PCNX2: variants seen among roughly 807,000 people sequenced by gnomAD.
The protein encoded by PCNX2 is pecanex 2, also known as pecanex-like protein 2.
A neutral mutation model predicts 223.8 loss-of-function variants in PCNX2; 168 were observed. The observed-to-expected ratio is 0.75, with a 90% CI of 0.66 to 0.85. The LOEUF (loss-of-function observed/expected upper bound fraction) is 0.85, where lower values mean the gene tolerates loss of function less well. Ranked by LOEUF, PCNX2 falls within the 40% of genes least tolerant of loss-of-function variation. PCNX2 has a pLI of 0.00. For synonymous variants in PCNX2, 1,006 were observed against 1,052.6 expected (o/e 0.96, Z 0.86); for missense variants, 2,507 against 2,675.5 (o/e 0.94, Z 1.39).
At chr1:233,211,889 G>A (rs1681837653) in intron 12 of PCNX2, 1 of 891,016 alleles carries the variant, frequency 1.1e-6, no homozygotes, top group African/African-American at 1.8e-5. Context: ...AAAGGACTCT[G>A]GGCAGAGAAA....
At chr1:233,321,108 T>C in the PCNX2 span, among the ~76,000 whole-genome samples, 1 of 132,744 alleles carries the variant, frequency 7.5e-6, no homozygotes, top group East Asian at 2.4e-4. Context: ...AAGCTCCGCC[T>C]CCGGGGTTCA....
chr1:233,271,280 T>C (rs1660625326), intron 1 of PCNX2, among the ~76,000 whole-genome samples: 1 of 152,210 alleles, frequency 6.6e-6, no homozygotes, highest in Non-Finnish European at 1.5e-5. Context: ...AAATTATGAA[T>C]GTTTATAAAA....
intron 15 of PCNX2, among the ~76,000 whole-genome samples, chr1:233,189,448 G>A (rs1223933547): frequency 6.6e-6 from 1 of 152,182 alleles, no homozygotes; most frequent in African/African-American, 2.4e-5. Context: ...GATCTGGGAC[G>A]TGGGGTGTGT....
At chr1:233,152,114 G>A (rs1189644900) in intron 19 of PCNX2, among the ~76,000 whole-genome samples, 1 of 152,218 alleles carries the variant, frequency 6.6e-6, no homozygotes, top group Non-Finnish European at 1.5e-5. Flanking sequence ...GAGTATGAGA[G>A]TGCCTGGCAG....
chr1:233,200,605 G>A (rs1465433878), intron 13 of PCNX2, among the ~76,000 whole-genome samples: 2 of 151,982 alleles, frequency 1.3e-5, no homozygotes, highest in African/African-American at 4.8e-5. Flanking sequence ...GGCCAGGACT[G>A]AGCAAAGACT....
At chr1:233,194,524 T>C (rs1307559780) in intron 15 of PCNX2, among the ~76,000 whole-genome samples, 2 of 152,174 alleles carry the variant, frequency 1.3e-5, no homozygotes, top group African/African-American at 2.4e-5. Context: ...AATATCTTTA[T>C]GAGATAATTG....
At chr1:233,107,170 A>C (rs990594605) in intron 21 of PCNX2, among the ~76,000 whole-genome samples, 1 of 150,990 alleles carries the variant, frequency 6.6e-6, no homozygotes, top group Non-Finnish European at 1.5e-5. Flanking sequence ...CATTTTCTGC[A>C]CTTGAACATG....
Position 233,238,924 on chromosome 1 carries a change from T to C in PCNX2, c.2223-1944A>G, listed in dbSNP as rs575631987. On this transcript the variant is annotated intron_variant, in intron 8 of 33. Coordinates refer to ENST00000258229, the MANE Select transcript of PCNX2 (RefSeq NM_014801.4). The stretch of plus-strand genomic sequence containing the variant: ...TAATGCTTTTCCTTCTTGTCTATAT[T>C]AGTGGCATAATCTCTGTCGTTAACA... Among the ~76,000 whole-genome samples, 131 of 152,308 alleles carry C rather than the reference T, an allele frequency of 8.6e-4. 1 individual carries two copies. The highest frequency in any genetic ancestry group is 3.0e-3 in the African/African-American group (123 of 41,572).
At chr1:233,112,217 T>G (rs559329181) in intron 21 of PCNX2, among the ~76,000 whole-genome samples, 1 of 152,228 alleles carries the variant, frequency 6.6e-6, no homozygotes, top group Admixed American at 6.5e-5. Flanking sequence ...TGGTATAGAA[T>G]TGAAATCTGC....
At chr1:233,319,817 AAC>A in the PCNX2 span, among the ~76,000 whole-genome samples, 1 of 152,252 alleles carries the variant, frequency 6.6e-6, no homozygotes, top group Non-Finnish European at 1.5e-5. Flanking sequence ...TGGAAATTAA[AAC>A]AGAGACATCT....
In PCNX2 at chr1:233,001,540, G is replaced by A; in HGVS notation, c.5094C>T (p.His1698=). The stretch of plus-strand genomic sequence containing the variant: ...AATAAATAAAATAGGTTTTTACCTG[G>A]TGAAGTTTCAGGGACATCCTGATAG... The part of the protein sequence containing the change: ...APAIRMSLKL[H]QDQFTCPDEY... The change falls in exon 29 of 34, where the codon CAC becomes CAT. Residue 1698 remains histidine (H), a synonymous_variant. Coordinates refer to ENST00000258229, the MANE Select transcript of PCNX2 (RefSeq NM_014801.4). This position sits in a 1 kb window ranked among gnomAD's most constrained non-coding sequence, Gnocchi z 4.2. 7.3e-7 allele frequency: 1 copy of A among 1,370,734 alleles called. No individual in the cohort carries two copies. 84.9% of individuals were successfully genotyped at this position (1,370,734 alleles called of 1,614,324 possible).
intron 10 of PCNX2, among the ~76,000 whole-genome samples, chr1:233,221,010 T>G (rs545182966): frequency 6.6e-6 from 1 of 152,300 alleles, no homozygotes; most frequent in South Asian, 2.1e-4. Context: ...GGCATAGCCT[T>G]GGGCCTCCTA....
intron 21 of PCNX2, among the ~76,000 whole-genome samples, chr1:233,120,534 A>G (rs717588): frequency 0.7 from 106,148 of 152,112 alleles, 38,233 homozygotes; most frequent in African/African-American, 0.87. Flanking sequence ...GGCATTTTCC[A>G]TAAAAATTTA....
intron 17 of PCNX2, among the ~76,000 whole-genome samples, chr1:233,173,179 T>TA (rs1679261657): frequency 6.6e-6 from 1 of 150,534 alleles, no homozygotes. Context: ...TTTTTTTTTT[T>TA]CTCTTTTTAA....
intron 26 of PCNX2, among the ~76,000 whole-genome samples, chr1:233,020,265 G>C (rs1670833084): frequency 1.3e-5 from 2 of 152,210 alleles, no homozygotes; most frequent in African/African-American, 4.8e-5. Context: ...CTCACTGGGA[G>C]AAAACAGAAC....
chr1:232,985,068 C>G (rs1409051047), intron 33 of PCNX2: 1 of 152,218 alleles, frequency 6.6e-6, no homozygotes. Context: ...TAACTAAGGT[C>G]AAACTCCTGA....
chr1:232,999,154 G>A lies in PCNX2; in HGVS notation c.5554C>T (p.Pro1852Ser), dbSNP rs373740888. The A allele has an allele frequency of 5.0e-6, 8 of 1,613,838 alleles. No individual in the cohort carries two copies. The Admixed American group carries it at 6.7e-5, about 13-fold the overall frequency. The stretch of plus-strand genomic sequence containing the variant: ...GTCCTAATTCTGTCCAAAGTGATGG[G>A]TCCACCCCAGATGTTCTTCAGCTGC... ...HRQLKNIWGGPITLDRIRTWF... is the reference protein window; with the variant it reads ...HRQLKNIWGGSITLDRIRTWF... Residue 1852 changes from proline (P) to serine (S), a missense_variant, in exon 31 of 34, where the codon CCC becomes TCC. Physicochemically the swap from Pro to Ser is moderately conservative, Grantham distance 74 (BLOSUM62 -1). Coordinates refer to ENST00000258229, the MANE Select transcript of PCNX2 (RefSeq NM_014801.4).
chr1:233,248,422 G>T (rs748736436), intron 8 of PCNX2, among the ~76,000 whole-genome samples: 1 of 152,022 alleles, frequency 6.6e-6, no homozygotes, highest in East Asian at 1.9e-4. Flanking sequence ...GGATCTATGA[G>T]AAAGAAGCAT....
intron 1 of PCNX2, among the ~76,000 whole-genome samples, chr1:233,280,458 C>T (rs865973032): frequency 3.2e-4 from 49 of 152,106 alleles, no homozygotes; most frequent in East Asian, 2.3e-3. Flanking sequence ...CCACCATGCC[C>T]GGCTAATTTT....
Sources: allele counts gnomAD v4.1 joint callset (sites outside exome capture counted in the v4.1 genomes callset), GRCh38; gene constraint gnomAD v4.1.1; non-coding constraint Gnocchi (gnomAD v3.1); transcripts MANE v1.5; gene names NCBI Gene and HGNC (gene_info 2026-07-23, HGNC 2026-07-21).